Variants in CNTN4 observed in about 807,000 individuals in gnomAD.
CNTN4 encodes the protein contactin 4.
In CNTN4, 77 loss-of-function variants were observed where a neutral mutation model predicts 122.5. The observed-to-expected ratio is 0.63, with a 90% CI of 0.52 to 0.76. The LOEUF is 0.76. Among genes scored for constraint, CNTN4 ranks in the 30% least tolerant of loss-of-function variants. The pLI, the probability that CNTN4 is intolerant of heterozygous loss-of-function variation, is 0.00. For missense variants in CNTN4, 1,256 were observed against 1,259.1 expected, an observed-to-expected ratio of 1.00 and a Z score of 0.04; for synonymous variants, 512 against 447.0, an observed-to-expected ratio of 1.15 and a Z score of -1.83.
chr3:3,024,001 A>C (rs1264184693), intron 14 of CNTN4, among the ~76,000 whole-genome samples: 1 of 152,186 alleles, frequency 6.6e-6, no homozygotes, highest in Non-Finnish European at 1.5e-5. Flanking sequence ...ATTTGTTAGG[A>C]ATAAATGAAA....
At chr3:2,925,586 A>G (rs1239256742) in intron 12 of CNTN4, 43 bp from the exon 13 acceptor site, 2 of 1,584,316 alleles carry the variant, frequency 1.3e-6, no homozygotes, top group African/African-American at 2.7e-5. Flanking sequence ...TATCTCATGG[A>G]AGGCTGTCTT....
chr3:2,824,139 C>G (rs28398103), intron 7 of CNTN4, among the ~76,000 whole-genome samples: 45,302 of 146,752 alleles, frequency 0.31, 7,078 homozygotes, highest in East Asian at 0.5. Flanking sequence ...TAAATCTGGG[C>G]TAGGGTCCCC....
chr3:2,352,495 C>T (rs879666271), intron 3 of CNTN4, among the ~76,000 whole-genome samples: 42 of 152,318 alleles, frequency 2.8e-4, no homozygotes, highest in Admixed American at 1.6e-3. Flanking sequence ...AGTGGCAGGC[C>T]GGCACAGCCA....
chr3:2,328,303 G>C (rs1232851466), intron 2 of CNTN4, among the ~76,000 whole-genome samples: 1 of 150,590 alleles, frequency 6.6e-6, no homozygotes, highest in East Asian at 2.0e-4. Context: ...CTACTCGGGA[G>C]GCTGAGGCAG....
At chr3:2,354,524 TC>T (rs1486463030) in intron 3 of CNTN4, among the ~76,000 whole-genome samples, 2 of 152,112 alleles carry the variant, frequency 1.3e-5, no homozygotes, top group African/African-American at 2.4e-5. Flanking sequence ...AGAGCGAGAC[TC>T]CATCAGAAAA....
At chr3:2,291,921 A>G (rs933656889) in intron 2 of CNTN4, among the ~76,000 whole-genome samples, 1 of 152,028 alleles carries the variant, frequency 6.6e-6, no homozygotes, top group Non-Finnish European at 1.5e-5. Flanking sequence ...TTATTAGTGG[A>G]GATGGGGTTT....
At chr3:2,868,874 A>T (rs1440170208) in intron 8 of CNTN4, among the ~76,000 whole-genome samples, 3 of 152,232 alleles carry the variant, frequency 2.0e-5, no homozygotes, top group East Asian at 3.9e-4. Flanking sequence ...TCTACTTTAG[A>T]CAGCCATGGA....
intron 2 of CNTN4, among the ~76,000 whole-genome samples, chr3:2,130,467 G>T (rs985838488): frequency 6.6e-6 from 1 of 152,164 alleles, no homozygotes; most frequent in African/African-American, 2.4e-5. Context: ...TAATAAAATA[G>T]AATTCTTAAA....
rs561889900 is a variant in CNTN4 at position 2,353,107 on chromosome 3, G to A, written c.-89+13874G>A. On this transcript the variant is annotated intron_variant, in intron 3 of 24. Coordinates refer to ENST00000418658, the MANE Select transcript of CNTN4 (RefSeq NM_175607.3). ...ACTGGGAGAACTTTTATGTCTAGCC[G>A]GAGGATTGTATATGTACCAATCAGC... is the stretch of plus-strand genomic sequence containing the variant. Among the ~76,000 whole-genome samples, 9 of 151,990 alleles carry A rather than the reference G, an allele frequency of 5.9e-5. 1 individual carries two copies. The highest frequency in any genetic ancestry group is 1.9e-4 in the East Asian group (1 of 5,162).
intron 23 of CNTN4, among the ~76,000 whole-genome samples, chr3:3,048,220 A>G (rs1700876014): frequency 7.0e-6 from 1 of 143,742 alleles, no homozygotes; most frequent in African/African-American, 2.6e-5. Context: ...ATGTGGATCA[A>G]AAATATTCAG....
chr3:2,193,981 C>T (rs1426971972), intron 2 of CNTN4, among the ~76,000 whole-genome samples: 2 of 152,110 alleles, frequency 1.3e-5, no homozygotes, highest in African/African-American at 4.8e-5. Context: ...CTTAATGATA[C>T]ATTTCTCAAA....
At chr3:2,111,978 A>G (rs77494843) in intron 2 of CNTN4, among the ~76,000 whole-genome samples, 7 of 152,110 alleles carry the variant, frequency 4.6e-5, no homozygotes, top group Non-Finnish European at 1.0e-4. Flanking sequence ...GCTTTTATCT[A>G]TGGGATAGAC....
intron 4 of CNTN4, among the ~76,000 whole-genome samples, chr3:2,653,949 G>GT (rs1419434241): frequency 6.6e-6 from 1 of 152,192 alleles, no homozygotes; most frequent in African/African-American, 2.4e-5. Context: ...CTAGAAAACA[G>GT]TAAGTTTGGG....
Position 2,237,281 on chromosome 3 carries a change from G to T in CNTN4, c.-144-101897G>T, listed in dbSNP as rs528039317. ...ATTGGCTATATAGGAGGGATGAGAG[G>T]GAGGCAGAATATCACATTGAATTTA... is the stretch of plus-strand genomic sequence containing the variant. On this transcript the variant is annotated intron_variant, in intron 2 of 24. Coordinates refer to ENST00000418658, the MANE Select transcript of CNTN4 (RefSeq NM_175607.3). Among the ~76,000 whole-genome samples, 4 of 151,522 alleles carry T rather than the reference G, an allele frequency of 2.6e-5. No individual in the cohort carries two copies. In the East Asian group the frequency reaches 7.8e-4, roughly 29 times the overall value.
chr3:2,569,239 A>T (rs568050605), intron 3 of CNTN4, among the ~76,000 whole-genome samples: 2 of 152,328 alleles, frequency 1.3e-5, no homozygotes, highest in Admixed American at 1.3e-4. Context: ...TTCTCTAATG[A>T]TGCTTGTTCA....
At chr3:2,942,185 T>C (rs115538643) in intron 13 of CNTN4, among the ~76,000 whole-genome samples, 1,920 of 152,244 alleles carry the variant, frequency 0.013, 35 homozygotes, top group African/African-American at 0.044. Context: ...ATCAATGGAC[T>C]TACAGCCTCT....
intron 2 of CNTN4, among the ~76,000 whole-genome samples, chr3:2,288,514 G>T (rs1575276536): frequency 6.6e-6 from 1 of 152,056 alleles, no homozygotes; most frequent in South Asian, 2.1e-4. Context: ...GCCCCTCCTT[G>T]CAACATTGAG....
chr3:2,802,498 G>A (rs1310967656), intron 6 of CNTN4, among the ~76,000 whole-genome samples: 3 of 152,138 alleles, frequency 2.0e-5, no homozygotes, highest in South Asian at 2.1e-4. Flanking sequence ...TAAGAAAATC[G>A]TGCCTTACAG....
intron 4 of CNTN4, among the ~76,000 whole-genome samples, chr3:2,685,728 T>A (rs954046848): frequency 6.6e-6 from 1 of 152,202 alleles, no homozygotes; most frequent in African/African-American, 2.4e-5. Flanking sequence ...ATGACACTTA[T>A]CTGTTTTTCC....
Sources: allele counts gnomAD v4.1 joint callset (sites outside exome capture counted in the v4.1 genomes callset), GRCh38; gene constraint gnomAD v4.1.1; transcripts MANE v1.5; gene names NCBI Gene and HGNC (gene_info 2026-07-23, HGNC 2026-07-21).